CARD14: variants seen among roughly 807,000 people sequenced by gnomAD.
CARD14 encodes caspase recruitment domain-containing protein 14.
A neutral mutation model predicts 111.5 loss-of-function variants in CARD14; 107 were observed. The observed-to-expected ratio is 0.96, with a 90% CI of 0.82 to 1.13. The LOEUF (loss-of-function observed/expected upper bound fraction) is 1.13, where lower values mean the gene tolerates loss of function less well. CARD14 is among the 50% of genes most tolerant of loss of function. The pLI, the probability that CARD14 is intolerant of heterozygous loss-of-function variation, is 0.00. For synonymous variants in CARD14, 617 were observed against 579.6 expected (o/e 1.06, Z -0.93); for missense variants, 1,322 against 1,362.3 (o/e 0.97, Z 0.47).
intron 7 of CARD14, among the ~76,000 whole-genome samples, chr17:80,185,223 A>AT (rs2040306754): frequency 1.4e-5 from 2 of 140,328 alleles, no homozygotes; most frequent in African/African-American, 2.6e-5. Flanking sequence ...ATTAAAAAAA[A>AT]ATTTTTTTTG....
At chr17:80,200,019 G>A (rs915458318) in intron 16 of CARD14, among the ~76,000 whole-genome samples, 5 of 152,040 alleles carry the variant, frequency 3.3e-5, no homozygotes, top group Non-Finnish European at 1.5e-5. Flanking sequence ...GGGGATGGGG[G>A]CTCTGGGGTG....
chr17:80,208,155 T>TGG lies in CARD14; in HGVS notation c.2827_2828dup (p.Thr944AlafsTer79), dbSNP rs1187263656. On this transcript the variant is annotated frameshift_variant, in exon 24 of 24. Transcript: ENST00000648509. LOFTEE classifies it low-confidence loss of function (END_TRUNC). ...CTGTGCAGGAAGGGCCTACAGCGGT[T>TGG]GGGCACCTCAGAGGAGCAGCTCCTG... The TGG allele has an allele frequency of 6.5e-7, 1 of 1,544,572 alleles. No individual in the cohort carries two copies. The highest frequency in any genetic ancestry group is 8.7e-7 in the Non-Finnish European group (1 of 1,143,542).
chr17:80,201,590 C>T lies in CARD14; in HGVS notation c.1852-154C>T, dbSNP rs969038411. The T allele has an allele frequency of 1.3e-6, 1 of 751,920 alleles. No homozygotes were observed. Among genetic ancestry groups the T allele is most frequent in the Non-Finnish European group, 2.3e-6 (1 of 430,462 alleles). The allele number at this position is 751,920 out of a possible 1,614,324, so 46.6% of individuals were successfully genotyped here. On this transcript the variant is annotated intron_variant, in intron 16 of 23. Coordinates refer to ENST00000648509, the MANE Select transcript of CARD14 (RefSeq NM_001366385.1). This position sits in a 1 kb window ranked among gnomAD's most constrained non-coding sequence, Gnocchi z 5.0. ...GAGGTGTGAAGGCCCCACAGAGGCT[C>T]TGGTGTGTGGCTTTGTTTTGACCAA...
Position 80,188,223 on chromosome 17 carries a change from T to C in CARD14, c.676-154T>C, listed in dbSNP as rs937390955. 1 of 742,058 alleles carries C rather than the reference T, an allele frequency of 1.3e-6. No individual in the cohort carries two copies. The highest frequency in any genetic ancestry group is 2.0e-6 in the Non-Finnish European group (1 of 495,404). The allele number at this position is 742,058 out of a possible 1,614,324, so 46.0% of individuals were successfully genotyped here. A position where few individuals can be genotyped will look rare whatever the true frequency, so the allele number is the denominator to read the frequency against. ...CAGTTGAATATTTGGGACTATTCAT[T>C]AGGTGAACCCTTTCGTGGGTTTTTC... On this transcript the variant is annotated intron_variant, in intron 7 of 23. Coordinates refer to ENST00000648509, the MANE Select transcript of CARD14 (RefSeq NM_001366385.1). This position sits in a 1 kb window ranked among gnomAD's most constrained non-coding sequence, Gnocchi z 4.5.
Position 80,203,660 on chromosome 17 carries a change from G to GGA in CARD14, c.2220-161_2220-160dup. The GGA allele has an allele frequency of 1.8e-6, 1 of 565,496 alleles. No individual in the cohort carries two copies. The highest frequency in any genetic ancestry group is 3.1e-5 in the East Asian group (1 of 32,544). The allele number at this position is 565,496 out of a possible 1,614,324, so 35.0% of individuals were successfully genotyped here. ...GCTCTGGAGACTGGCATGGCCGCCA[G>GGA]GATGGAGCGCTCCAGCCTGCAGCAA... On this transcript the variant is annotated intron_variant, in intron 18 of 23. Transcript: ENST00000648509. The surrounding 1 kb of genome is among the most constrained non-coding windows in gnomAD (Gnocchi z 4.6).
Position 80,208,402 on chromosome 17 carries a change from C to A in CARD14, c.*57C>A. On this transcript the variant is annotated 3_prime_UTR_variant, in exon 24 of 24. Transcript: ENST00000648509. ...CTTCTGTGTGCCTGTTAATGCAGTC[C>A]TGTTCCTCAGCCCAGGCCCTCTTGG... The A allele has an allele frequency of 6.9e-7, 1 of 1,444,242 alleles. No individual in the cohort carries two copies. Among genetic ancestry groups the A allele is most frequent in the South Asian group, 1.3e-5 (1 of 75,704 alleles). The allele number at this position is 1,444,242 out of a possible 1,614,324, so 89.5% of individuals were successfully genotyped here. A position where few individuals can be genotyped will look rare whatever the true frequency, so the allele number is the denominator to read the frequency against.
At chr17:80,191,596 C>A in intron 11 of CARD14, 124 bp downstream of exon 11, 1 of 1,191,750 alleles carries the variant, frequency 8.4e-7, no homozygotes, top group Non-Finnish European at 1.2e-6. Context: ...CAGGCTGGGC[C>A]ACACGCGGCA....
At position 80,182,822 on chromosome 17, in the gene CARD14, C is replaced by T; in HGVS notation, c.349+32C>T. The T allele has an allele frequency of 6.2e-7, 1 of 1,613,306 alleles. No individual in the cohort carries two copies. The highest frequency in any genetic ancestry group is 8.5e-7 in the Non-Finnish European group (1 of 1,179,422). ...GCTCCGACTTTGACGGTTTGGCAGG[C>T]ACTTCTAGGAACCTCAGGCTCCTGG... On this transcript the variant is annotated intron_variant, in intron 6 of 23. Transcript: ENST00000648509. The surrounding 1 kb of genome is among the most constrained non-coding windows in gnomAD (Gnocchi z 4.7).
intron 2 of CARD14, among the ~76,000 whole-genome samples, chr17:80,177,631 G>T (rs936526397): frequency 1.3e-5 from 2 of 152,136 alleles, no homozygotes; most frequent in Non-Finnish European, 2.9e-5. Flanking sequence ...GGAGACAAAG[G>T]TTGCAGTGAG....
chr17:80,203,437 A>G lies in CARD14; in HGVS notation c.2220-385A>G. ...CCTGGGGATCGGAGCCAGCAGGTCC[A>G]GGGAGAGGCCTGGCACTCTGCATTT... On this transcript the variant is annotated intron_variant, in intron 18 of 23. Coordinates refer to ENST00000648509, the MANE Select transcript of CARD14 (RefSeq NM_001366385.1). This position sits in a 1 kb window ranked among gnomAD's most constrained non-coding sequence, Gnocchi z 4.6. The G allele has an allele frequency of 4.9e-6, 1 of 204,014 alleles. No individual in the cohort carries two copies. The highest frequency in any genetic ancestry group is 9.8e-6 in the Non-Finnish European group (1 of 102,102). 12.6% of individuals were successfully genotyped at this position (204,014 alleles called of 1,614,324 possible). A position where few individuals can be genotyped will look rare whatever the true frequency, so the allele number is the denominator to read the frequency against.
chr17:80,191,414 A>T lies in CARD14; in HGVS notation c.1181A>T (p.Asp394Val). ...SLRRQVFELT[D>V]QVCELRTQLR... ...CGCAGGCAGGTGTTCGAGCTGACGG[A>T]CCAGGTCTGCGAGCTGCGCACACAG... is the stretch of plus-strand genomic sequence containing the variant. Residue 394 changes from aspartate (D) to valine (V), a missense_variant, in exon 11 of 24, where the codon GAC (aspartate) becomes GTC (valine). Coordinates refer to ENST00000648509, the MANE Select transcript of CARD14 (RefSeq NM_001366385.1). 1 of 1,613,682 alleles carries T rather than the reference A, an allele frequency of 6.2e-7. No homozygotes were observed. The highest frequency in any genetic ancestry group is 8.5e-7 in the Non-Finnish European group (1 of 1,179,964).
intron 12 of CARD14, among the ~76,000 whole-genome samples, chr17:80,193,025 C>T (rs1456124539): frequency 6.6e-6 from 1 of 152,228 alleles, no homozygotes; most frequent in Non-Finnish European, 1.5e-5. Context: ...GCTGGGATTA[C>T]AGGCATGAGC....
chr17:80,184,315 C>T, intron 7 of CARD14, 77 bp downstream of exon 7: 2 of 1,204,930 alleles, frequency 1.7e-6, no homozygotes, highest in Non-Finnish European at 2.2e-6. Context: ...GGTCCATCTC[C>T]CTGGAACTCC....
chr17:80,198,627 C>T lies in CARD14; in HGVS notation c.1851+36C>T. On this transcript the variant is annotated intron_variant, in intron 16 of 23. Transcript: ENST00000648509. This position sits in a 1 kb window ranked among gnomAD's most constrained non-coding sequence, Gnocchi z 7.5. Reference sequence around the variant, plus strand: ...CGAGGCCCCTCCTGTCCCCCGGGCTCCTCATGGGGACAGTGGCAGCGGGTG... The same window carrying T: ...CGAGGCCCCTCCTGTCCCCCGGGCTTCTCATGGGGACAGTGGCAGCGGGTG... 1.2e-6 allele frequency: 2 copies of T among 1,610,304 alleles called. No individual in the cohort carries two copies. Among genetic ancestry groups the T allele is most frequent in the East Asian group, 2.2e-5 (1 of 44,862 alleles).
chr17:80,190,809 C>G lies in CARD14; in HGVS notation c.999C>G (p.Phe333Leu), dbSNP rs1567880587. 6.2e-7 allele frequency: 1 copy of G among 1,614,142 alleles called. No homozygotes were observed. Among genetic ancestry groups the G allele is most frequent in the East Asian group, 2.2e-5 (1 of 44,866 alleles). Residue 333 changes from phenylalanine (F) to leucine (L), a missense_variant, in exon 10 of 24, where the codon TTC (phenylalanine) becomes TTG (leucine). Transcript: ENST00000648509. ...AGAAGGAACAGACCCTGCTGCAGTT[C>G]CAGAAGAGTAAGATGGCCTGCCAAC... ...WEEKEQTLLQ[F>L]QKSKMACQLY...
At position 80,205,630 on chromosome 17, in the gene CARD14, C is replaced by G; in HGVS notation, c.2669C>G (p.Ala890Gly). The G allele has an allele frequency of 6.8e-7, 1 of 1,467,072 alleles. No homozygotes were observed. The highest frequency in any genetic ancestry group is 9.2e-7 in the Non-Finnish European group (1 of 1,092,772). The allele number at this position is 1,467,072 out of a possible 1,614,324, so 90.9% of individuals were successfully genotyped here. A position where few individuals can be genotyped will look rare whatever the true frequency, so the allele number is the denominator to read the frequency against. ...GGCCGCTGCTGGGTGACCCGCCATG[C>G]TGTGGAGTCCCTCATGGAAAAGGTG... ...SGGRCWVTRH[A>G]VESLMEKNTH... Residue 890 changes from alanine to glycine, a missense_variant, in exon 22 of 24, where the codon GCT becomes GGT. Coordinates refer to ENST00000648509, the MANE Select transcript of CARD14 (RefSeq NM_001366385.1).
chr17:80,198,288 AG>A lies in CARD14; in HGVS notation c.1659-106del, dbSNP rs990118680. 7.0e-6 allele frequency: 11 copies of A among 1,563,330 alleles called. No homozygotes were observed. In the African/African-American group the frequency reaches 9.5e-5, roughly 13 times the overall value. On this transcript the variant is annotated intron_variant, in intron 15 of 23. Coordinates refer to ENST00000648509, the MANE Select transcript of CARD14 (RefSeq NM_001366385.1). The surrounding 1 kb of genome is among the most constrained non-coding windows in gnomAD (Gnocchi z 7.5). ...CCTTTCCAAGCACATGGGGCCATGG[AG>A]GGGGAGGAGAATTCCAGAACACTGG... is the stretch of plus-strand genomic sequence containing the variant.
rs1395506718 is a variant in CARD14, at chr17:80,195,732, C to T, written c.1594+80C>T. ...AGGGAGCTGATGAGAAAGCCGGGGC[C>T]TCTCTCCAGGGAAAGGGCAGATAGA... On this transcript the variant is annotated intron_variant, in intron 14 of 23. Transcript: ENST00000648509. This position sits in a 1 kb window ranked among gnomAD's most constrained non-coding sequence, Gnocchi z 4.7. The T allele has an allele frequency of 8.2e-7, 1 of 1,219,470 alleles. No homozygotes were observed. Among genetic ancestry groups the T allele is most frequent in the Non-Finnish European group, 1.2e-6 (1 of 858,900 alleles). 75.5% of individuals were successfully genotyped at this position (1,219,470 alleles called of 1,614,324 possible).
chr17:80,188,678 C>A lies in CARD14; in HGVS notation c.843+134C>A. On this transcript the variant is annotated intron_variant, in intron 8 of 23. Coordinates refer to ENST00000648509, the MANE Select transcript of CARD14 (RefSeq NM_001366385.1). The surrounding 1 kb of genome is among the most constrained non-coding windows in gnomAD (Gnocchi z 4.5). Reference sequence around the variant, plus strand: ...AGATGAAATTTAGTGACTCATCTCACCCACTTTCTCTTTACCTCCTTCCTT... The same window carrying A: ...AGATGAAATTTAGTGACTCATCTCAACCACTTTCTCTTTACCTCCTTCCTT... The A allele has an allele frequency of 1.1e-6, 1 of 899,626 alleles. No individual in the cohort carries two copies. The highest frequency in any genetic ancestry group is 1.5e-6 in the Non-Finnish European group (1 of 666,038). The allele number at this position is 899,626 out of a possible 1,614,324, so 55.7% of individuals were successfully genotyped here. A position where few individuals can be genotyped will look rare whatever the true frequency, so the allele number is the denominator to read the frequency against.
Sources: gnomAD v4.1 joint callset for allele counts (sites outside exome capture counted in the v4.1 genomes callset) on GRCh38, gnomAD v4.1.1 for gene constraint, Gnocchi (gnomAD v3.1) non-coding constraint, MANE v1.5 for transcripts, NCBI Gene and HGNC (gene_info 2026-07-23, HGNC 2026-07-21) for gene names.